The following ADAMTS16 variants were observed in gnomAD, a reference collection of about 807,000 sequenced individuals.
ADAMTS16 encodes the protein A disintegrin and metalloproteinase with thrombospondin motifs 16.
A neutral mutation model predicts 145.8 loss-of-function variants in ADAMTS16; 94 were observed. The ratio of observed to expected loss-of-function variants is 0.64; its 90% confidence interval spans 0.55 to 0.77. The LOEUF is 0.77. ADAMTS16 is among the 30% of genes least tolerant of loss of function. ADAMTS16 has a pLI of 0.00. For synonymous variants in ADAMTS16, 659 were observed against 604.3 expected (o/e 1.09, Z -1.33); for missense variants, 1,585 against 1,591.5 (o/e 1.00, Z 0.07).
At chr5:5,208,688 G>C (rs1056516513) in intron 9 of ADAMTS16, among the ~76,000 whole-genome samples, 1 of 152,198 alleles carries the variant, frequency 6.6e-6, no homozygotes, top group Non-Finnish European at 1.5e-5. Flanking sequence ...GAAAGTTCCA[G>C]TCTTTGAAAT....
intron 6 of ADAMTS16, among the ~76,000 whole-genome samples, chr5:5,189,049 G>A (rs1579298429): frequency 6.6e-6 from 1 of 152,284 alleles, no homozygotes; most frequent in East Asian, 1.9e-4. Context: ...CATTTTGCTT[G>A]GGTATATTTG....
intron 3 of ADAMTS16, among the ~76,000 whole-genome samples, chr5:5,163,016 G>A (rs563448789): frequency 7.2e-5 from 11 of 152,248 alleles, no homozygotes; most frequent in Admixed American, 2.6e-4. Flanking sequence ...AAAAATGCTC[G>A]TGGAGAATTT....
chr5:5,224,283 G>A (rs954072660), intron 11 of ADAMTS16, among the ~76,000 whole-genome samples: 9 of 145,362 alleles, frequency 6.2e-5, no homozygotes, highest in Admixed American at 5.5e-4. Flanking sequence ...TAATAGCAAT[G>A]CTTTCAGTTT....
At chr5:5,255,101 A>C (rs980435459) in intron 17 of ADAMTS16, among the ~76,000 whole-genome samples, 7 of 152,166 alleles carry the variant, frequency 4.6e-5, no homozygotes, top group Admixed American at 4.6e-4. Flanking sequence ...CCATCTTTTT[A>C]AATGTATTAT....
chr5:5,237,373 T>A (rs1265422699), intron 14 of ADAMTS16, among the ~76,000 whole-genome samples: 1 of 152,104 alleles, frequency 6.6e-6, no homozygotes, highest in Non-Finnish European at 1.5e-5. Context: ...AACATCCACA[T>A]CCAAGCTAGA....
intron 2 of ADAMTS16, among the ~76,000 whole-genome samples, chr5:5,145,046 T>A (rs1368139479): frequency 6.6e-6 from 1 of 152,192 alleles, no homozygotes; most frequent in Non-Finnish European, 1.5e-5. Context: ...CACGGGAGCC[T>A]TGCAGGGCTT....
chr5:5,198,399 T>G (rs538824843), intron 8 of ADAMTS16, among the ~76,000 whole-genome samples: 1 of 152,294 alleles, frequency 6.6e-6, no homozygotes, highest in South Asian at 2.1e-4. Context: ...TTGGTACTGA[T>G]CAAGAATTTT....
intron 18 of ADAMTS16, among the ~76,000 whole-genome samples, chr5:5,274,800 G>C (rs1299902715): frequency 6.6e-6 from 1 of 151,982 alleles, no homozygotes; most frequent in African/African-American, 2.4e-5. Context: ...GATACCTTGT[G>C]AACTAAAGAA....
chr5:5,234,775 C>T (rs2913629), intron 12 of ADAMTS16, among the ~76,000 whole-genome samples: 106,028 of 150,250 alleles, frequency 0.71, 37,993 homozygotes, highest in East Asian at 0.83. Flanking sequence ...GAGGCTGAGG[C>T]AGGAGAATCA....
intron 17 of ADAMTS16, among the ~76,000 whole-genome samples, chr5:5,245,618 T>A (rs1236760971): frequency 1.3e-5 from 2 of 152,200 alleles, no homozygotes; most frequent in Non-Finnish European, 2.9e-5. Flanking sequence ...GGGGCAGTTA[T>A]GGAATTCATG....
intron 12 of ADAMTS16, among the ~76,000 whole-genome samples, chr5:5,232,826 C>T (rs1164481763): frequency 6.6e-6 from 1 of 151,990 alleles, no homozygotes; most frequent in Non-Finnish European, 1.5e-5. Context: ...TGGTCTCGAA[C>T]TCCTGACCTT....
chr5:5,155,940 A>T (rs987855357), intron 3 of ADAMTS16, among the ~76,000 whole-genome samples: 1 of 152,126 alleles, frequency 6.6e-6, no homozygotes, highest in Non-Finnish European at 1.5e-5. Context: ...GAACAGACAG[A>T]AAGTGAGGAG....
chr5:5,213,257 A>C (rs1345204786), intron 10 of ADAMTS16, among the ~76,000 whole-genome samples: 3 of 152,176 alleles, frequency 2.0e-5, no homozygotes, highest in Admixed American at 1.3e-4. Context: ...AAGTGGTATC[A>C]TTTCCCTAAG....
intron 17 of ADAMTS16, among the ~76,000 whole-genome samples, chr5:5,259,123 C>T (rs1186626528): frequency 3.9e-5 from 6 of 152,074 alleles, no homozygotes; most frequent in Non-Finnish European, 7.4e-5. Context: ...ACACTGACAG[C>T]GATAATTTTC....
In ADAMTS16 at chr5:5,258,122, C is replaced by T. The variant is rs555282110; in HGVS notation, c.2663-4535C>T. Among the ~76,000 whole-genome samples, 12 of 152,262 alleles carry T rather than the reference C, an allele frequency of 7.9e-5. No homozygotes were observed. The South Asian group carries it at 1.0e-3, about 13-fold the overall frequency. Reference sequence around the variant, plus strand: ...ACCAACTACCAATCTCTCTGAACTCCGTCATTAAAGAGGTTGAATGACATC... The same window carrying T: ...ACCAACTACCAATCTCTCTGAACTCTGTCATTAAAGAGGTTGAATGACATC... On this transcript the variant is annotated intron_variant, in intron 17 of 22. Transcript: ENST00000274181.
chr5:5,182,479 C>T (rs537856888), intron 4 of ADAMTS16, among the ~76,000 whole-genome samples, 174 bp downstream of exon 4: 57 of 152,194 alleles, frequency 3.7e-4, no homozygotes, highest in African/African-American at 1.3e-3. Context: ...AAGTTCAGCA[C>T]GGGACATCTC....
chr5:5,215,261 A>T (rs369885095), intron 10 of ADAMTS16, among the ~76,000 whole-genome samples: 1 of 152,352 alleles, frequency 6.6e-6, no homozygotes, highest in African/African-American at 2.4e-5. Context: ...GATAATCAGG[A>T]TTAGTGATAA....
At chr5:5,233,326 T>A (rs761154561) in intron 12 of ADAMTS16, among the ~76,000 whole-genome samples, 1 of 152,186 alleles carries the variant, frequency 6.6e-6, no homozygotes, top group South Asian at 2.1e-4. Flanking sequence ...GAGGCTTTAA[T>A]TTTTAATTTT....
At position 5,182,128 on chromosome 5, in the gene ADAMTS16, C is replaced by G. The variant is rs1407981529; in HGVS notation, c.586C>G (p.Gln196Glu). The change falls in exon 4 of 23, where the codon CAA becomes GAA. Residue 196 changes from glutamine (Q) to glutamate (E), a missense_variant. Coordinates refer to ENST00000274181, the MANE Select transcript of ADAMTS16 (RefSeq NM_139056.4). ...HLSWKLGRAA[Q>E]GSSPSHVLYK... ...CTCATGGAAACTCGGCAGAGCTGCCCAAGGCAGCTCGCCATCCCACGTACT... is the reference window on the plus strand; with the variant it reads ...CTCATGGAAACTCGGCAGAGCTGCCGAAGGCAGCTCGCCATCCCACGTACT... The G allele has an allele frequency of 2.5e-6, 4 of 1,613,828 alleles. No individual in the cohort carries two copies. In the African/African-American group the frequency reaches 4.0e-5, roughly 16 times the overall value.
Sources: allele counts gnomAD v4.1 joint callset (sites outside exome capture counted in the v4.1 genomes callset), GRCh38; gene constraint gnomAD v4.1.1; transcripts MANE v1.5; gene names NCBI Gene and HGNC (gene_info 2026-07-23, HGNC 2026-07-21).